ZCCHC17: variants seen among roughly 807,000 people sequenced by gnomAD.
The protein encoded by ZCCHC17 is zinc finger CCHC-type containing 17.
In ZCCHC17, 18 loss-of-function variants were observed where a neutral mutation model predicts 30.6. The observed-to-expected ratio is 0.59, with a 90% CI of 0.41 to 0.87. The LOEUF is 0.87. Ranked by LOEUF, ZCCHC17 falls within the 40% of genes least tolerant of loss-of-function variation. The pLI is 0.00. For synonymous variants in ZCCHC17, 88 were observed against 92.4 expected, an observed-to-expected ratio of 0.95 and a Z score of 0.27; for missense variants, 263 against 284.2, an observed-to-expected ratio of 0.93 and a Z score of 0.54.
intron 3 of ZCCHC17, among the ~76,000 whole-genome samples, chr1:31,335,076 A>G (rs1569857145): frequency 6.6e-6 from 1 of 152,144 alleles, no homozygotes; most frequent in African/African-American, 2.4e-5. Context: ...TATGTTTCTC[A>G]GTTATGTTTC....
intron 5 of ZCCHC17, among the ~76,000 whole-genome samples, chr1:31,342,225 A>C (rs1208254464): frequency 6.6e-6 from 1 of 151,938 alleles, no homozygotes; most frequent in African/African-American, 2.4e-5. Context: ...TTGTATTTTT[A>C]GTAGAGACGG....
At chr1:31,331,341 T>C (rs895644763) in intron 3 of ZCCHC17, among the ~76,000 whole-genome samples, 1 of 151,846 alleles carries the variant, frequency 6.6e-6, no homozygotes, top group Admixed American at 6.6e-5. Flanking sequence ...AGACGGGGTT[T>C]CACCATGTTG....
chr1:31,356,713 C>A (rs1214315627), intron 7 of ZCCHC17, among the ~76,000 whole-genome samples: 1 of 152,158 alleles, frequency 6.6e-6, no homozygotes, highest in Non-Finnish European at 1.5e-5. Flanking sequence ...TGAGCCTTCC[C>A]ACGTCTTTTC....
intron 1 of ZCCHC17, among the ~76,000 whole-genome samples, chr1:31,302,698 CTT>C (rs1409066419): frequency 4.6e-5 from 7 of 152,010 alleles, no homozygotes; most frequent in African/African-American, 7.3e-5. Context: ...CCTCAGGAAA[CTT>C]ATAACTCATG....
At chr1:31,345,318 G>A (rs1373136388) in intron 5 of ZCCHC17, among the ~76,000 whole-genome samples, 5 of 150,778 alleles carry the variant, frequency 3.3e-5, no homozygotes, top group African/African-American at 4.9e-5. Flanking sequence ...CACCTCGCCC[G>A]GCTAATTTTT....
chr1:31,297,159 A>C lies in ZCCHC17; in HGVS notation c.-56+84A>C, dbSNP rs1029971169. 5 of 401,278 alleles carry C rather than the reference A, an allele frequency of 1.2e-5. 1 individual carries two copies. The highest frequency in any genetic ancestry group is 6.3e-4 in the Middle Eastern group (1 of 1,592). The allele number at this position is 401,278 out of a possible 1,614,324, so 24.9% of individuals were successfully genotyped here. On this transcript the variant is annotated intron_variant, in intron 1 of 7. Transcript: ENST00000344147. ...TGTGCAGTCTGAACCTGCCCTTCTC[A>C]GCTGAGGGTGCTGACAGCAAGGGGT... is the stretch of plus-strand genomic sequence containing the variant.
At chr1:31,311,709 T>G (rs1646606653) in intron 2 of ZCCHC17, among the ~76,000 whole-genome samples, 1 of 152,228 alleles carries the variant, frequency 6.6e-6, no homozygotes, top group South Asian at 2.1e-4. Flanking sequence ...TATGAGGCAC[T>G]CATCCATTCA....
intron 7 of ZCCHC17, among the ~76,000 whole-genome samples, chr1:31,350,087 T>A (rs1162735971): frequency 6.6e-6 from 1 of 152,224 alleles, no homozygotes; most frequent in African/African-American, 2.4e-5. Context: ...CAGATATTAT[T>A]GTGGTCCAGA....
chr1:31,299,392 G>A (rs1569707504), intron 1 of ZCCHC17, among the ~76,000 whole-genome samples: 1 of 152,172 alleles, frequency 6.6e-6, no homozygotes, highest in East Asian at 1.9e-4. Flanking sequence ...ACCTTTCTGG[G>A]TATGGCAAGG....
chr1:31,346,439 T>C (rs945599278), intron 5 of ZCCHC17: 1 of 488,308 alleles, frequency 2.0e-6, no homozygotes, highest in Non-Finnish European at 3.6e-6. Flanking sequence ...ATTAGTGAGA[T>C]GAAGGTTAGT....
Position 31,364,108 on chromosome 1 carries a change from A to G in ZCCHC17, c.641A>G (p.Lys214Arg). 6.2e-7 allele frequency: 1 copy of G among 1,613,940 alleles called. No individual in the cohort carries two copies. The highest frequency in any genetic ancestry group is 8.5e-7 in the Non-Finnish European group (1 of 1,179,880). Residue 214 changes from lysine to arginine, a missense_variant, in exon 8 of 8, where the codon AAG becomes AGG. Lys to Arg is a conservative substitution (Grantham distance 26). Transcript: ENST00000344147. ...TCAGACTCTGAGAGTGATACAGGCAAGAGGGCAAGGCACACATCAAAAGAC... is the reference window on the plus strand; with the variant it reads ...TCAGACTCTGAGAGTGATACAGGCAGGAGGGCAAGGCACACATCAAAAGAC... ...DSSDSESDTG[K>R]RARHTSKDSK...
intron 1 of ZCCHC17, among the ~76,000 whole-genome samples, chr1:31,300,781 T>C (rs1323692821): frequency 6.6e-6 from 1 of 151,746 alleles, no homozygotes; most frequent in Non-Finnish European, 1.5e-5. Flanking sequence ...ACTAAAAATA[T>C]AAAAATCAGC....
chr1:31,342,124 C>T (rs1639070908), intron 5 of ZCCHC17, among the ~76,000 whole-genome samples: 1 of 152,102 alleles, frequency 6.6e-6, no homozygotes, highest in Admixed American at 6.5e-5. Flanking sequence ...TGGCTCACTG[C>T]AACTCTGCCT....
At chr1:31,327,696 C>T (rs1200231052) in intron 3 of ZCCHC17, among the ~76,000 whole-genome samples, 1 of 152,150 alleles carries the variant, frequency 6.6e-6, no homozygotes, top group Non-Finnish European at 1.5e-5. Context: ...TTCCAAGTAA[C>T]CCTTATTTTA....
chr1:31,341,750 A>G (rs943719282), intron 5 of ZCCHC17, among the ~76,000 whole-genome samples: 23 of 152,242 alleles, frequency 1.5e-4, no homozygotes, highest in African/African-American at 5.5e-4. Context: ...TTACTATAAA[A>G]GGAGACAGTA....
chr1:31,300,480 A>G (rs1646284351), intron 1 of ZCCHC17, among the ~76,000 whole-genome samples: 1 of 152,182 alleles, frequency 6.6e-6, no homozygotes, highest in African/African-American at 2.4e-5. Flanking sequence ...TTTCTGCTTA[A>G]GTGGGTTCTG....
At chr1:31,359,916 C>T (rs181535089) in intron 7 of ZCCHC17, among the ~76,000 whole-genome samples, 1 of 152,224 alleles carries the variant, frequency 6.6e-6, no homozygotes, top group East Asian at 1.9e-4. Flanking sequence ...AGAGCAGAAG[C>T]TTGGTTCATC....
Position 31,318,310 on chromosome 1 carries a change from C to T in ZCCHC17, c.67-799C>T. On this transcript the variant is annotated intron_variant, in intron 2 of 7. Coordinates refer to ENST00000344147, the MANE Select transcript of ZCCHC17 (RefSeq NM_016505.4). ...ATTCAGCATATAGTGACAACATTAC[C>T]CTCGATCCACAGGTTGGGGGATGGG... The T allele has an allele frequency of 4.0e-6, 5 of 1,261,348 alleles. No individual in the cohort carries two copies. In the South Asian group the frequency reaches 5.5e-5, roughly 14 times the overall value. The allele number at this position is 1,261,348 out of a possible 1,614,324, so 78.1% of individuals were successfully genotyped here.
chr1:31,318,411 C>T (rs1013096237), intron 2 of ZCCHC17, among the ~76,000 whole-genome samples: 1 of 152,174 alleles, frequency 6.6e-6, no homozygotes, highest in South Asian at 2.1e-4. Flanking sequence ...CCTTTCATCA[C>T]TAACATTTAT....
Sources: allele counts gnomAD v4.1 joint callset (sites outside exome capture counted in the v4.1 genomes callset), GRCh38; gene constraint gnomAD v4.1.1; transcripts MANE v1.5; gene names NCBI Gene and HGNC (gene_info 2026-07-23, HGNC 2026-07-21).